SLC22A15: variants seen among roughly 807,000 people sequenced by gnomAD.
The protein encoded by SLC22A15 is solute carrier family 22 member 15, also known as flipt 1.
In SLC22A15, 45 loss-of-function variants were observed where a neutral mutation model predicts 62.7. That is an observed-to-expected ratio of 0.72 (90% CI 0.56 to 0.92). The LOEUF (loss-of-function observed/expected upper bound fraction) is 0.92. Ranked by LOEUF, SLC22A15 falls within the 40% of genes least tolerant of loss-of-function variation. The pLI, the probability that SLC22A15 is intolerant of heterozygous loss-of-function variation, is 0.00. For synonymous variants in SLC22A15, 264 were observed against 267.0 expected, an observed-to-expected ratio of 0.99 and a Z score of 0.11; for missense variants, 622 against 665.6, an observed-to-expected ratio of 0.93 and a Z score of 0.72.
At chr1:115,997,050 C>G (rs1294544332) in intron 2 of SLC22A15, among the ~76,000 whole-genome samples, 41 of 151,940 alleles carry the variant, frequency 2.7e-4, no homozygotes, top group Admixed American at 2.6e-3. Flanking sequence ...TGATTCTGAT[C>G]TTAGAAGGGA....
At chr1:116,018,084 C>T (rs982931033) in intron 2 of SLC22A15, among the ~76,000 whole-genome samples, 1 of 152,154 alleles carries the variant, frequency 6.6e-6, no homozygotes, top group Non-Finnish European at 1.5e-5. Context: ...ATTCAAATTG[C>T]TGTGTTACCA....
intron 1 of SLC22A15, among the ~76,000 whole-genome samples, chr1:115,984,996 C>G (rs2486079): frequency 0.38 from 57,269 of 151,890 alleles, 11,414 homozygotes; most frequent in East Asian, 0.58. Flanking sequence ...AGTAGAAAAG[C>G]TACAGTAAGT....
chr1:116,062,804 T>C lies in SLC22A15; in HGVS notation c.1214T>C (p.Leu405Ser). 6.2e-7 allele frequency: 1 copy of C among 1,613,916 alleles called. No individual in the cohort carries two copies. Among genetic ancestry groups the C allele is most frequent in the Non-Finnish European group, 8.5e-7 (1 of 1,179,832 alleles). Residue 405 changes from leucine to serine, a missense_variant, in exon 9 of 12, where the codon TTG becomes TCG. Physicochemically the swap from Leu to Ser is moderately radical, Grantham distance 145. Transcript: ENST00000369503. ...GTGGTGAACAGCCATTCCTTGTCCT[T>C]GCTGGGGAAGCTGACCATCAGTGCT... Reference protein sequence around the residue: ...FAVVNSHSLSLLGKLTISAAF... With the variant: ...FAVVNSHSLSSLGKLTISAAF...
intron 4 of SLC22A15, among the ~76,000 whole-genome samples, chr1:116,024,080 G>T (rs1656973212): frequency 6.6e-6 from 1 of 152,156 alleles, no homozygotes; most frequent in Admixed American, 6.5e-5. Context: ...AGGAGTGATA[G>T]GGTCTCATAT....
intron 8 of SLC22A15, among the ~76,000 whole-genome samples, chr1:116,051,950 T>C (rs1404792479): frequency 6.6e-6 from 1 of 152,244 alleles, no homozygotes; most frequent in Non-Finnish European, 1.5e-5. Context: ...GGAACAGCTC[T>C]GGTCTACAGC....
At chr1:116,052,836 A>G (rs1402902085) in intron 8 of SLC22A15, among the ~76,000 whole-genome samples, 2 of 152,228 alleles carry the variant, frequency 1.3e-5, no homozygotes, top group Non-Finnish European at 2.9e-5. Flanking sequence ...ACAGACCTGC[A>G]GCTGAGGGTC....
At chr1:116,052,068 A>G (rs1289717235) in intron 8 of SLC22A15, among the ~76,000 whole-genome samples, 4 of 152,338 alleles carry the variant, frequency 2.6e-5, no homozygotes, top group East Asian at 1.9e-4. Flanking sequence ...CAGTGGGTGC[A>G]GTGCACCATG....
chr1:116,040,873 T>A (rs921399370), intron 8 of SLC22A15, among the ~76,000 whole-genome samples: 2 of 152,348 alleles, frequency 1.3e-5, no homozygotes, highest in African/African-American at 4.8e-5. Flanking sequence ...CCCAAAGTGC[T>A]GGGATTATAG....
At chr1:116,064,709 T>G (rs1658457819) in intron 10 of SLC22A15, among the ~76,000 whole-genome samples, 1 of 152,190 alleles carries the variant, frequency 6.6e-6, no homozygotes, top group Non-Finnish European at 1.5e-5. Context: ...GTCTGATTTT[T>G]TGTTCATCTG....
At chr1:116,044,473 C>T (rs530930100) in intron 8 of SLC22A15, among the ~76,000 whole-genome samples, 1 of 152,280 alleles carries the variant, frequency 6.6e-6, no homozygotes, top group South Asian at 2.1e-4. Context: ...ATTCTAAGGT[C>T]AGGAGAAAGG....
At chr1:115,998,046 T>C (rs1343922144) in intron 2 of SLC22A15, among the ~76,000 whole-genome samples, 1 of 152,220 alleles carries the variant, frequency 6.6e-6, no homozygotes, top group Non-Finnish European at 1.5e-5. Flanking sequence ...GAAATGATTG[T>C]ATGGTTTTTG....
Position 116,023,700 on chromosome 1 carries a change from A to G in SLC22A15, c.598+2815A>G, listed in dbSNP as rs181432776. Reference sequence around the variant, plus strand: ...ATAATTTCTGAAAATTAGAAGTACAATGAAGAAAATGAAGCAGGGTAATGG... The same window carrying G: ...ATAATTTCTGAAAATTAGAAGTACAGTGAAGAAAATGAAGCAGGGTAATGG... On this transcript the variant is annotated intron_variant, in intron 4 of 11. Coordinates refer to ENST00000369503, the MANE Select transcript of SLC22A15 (RefSeq NM_018420.3). Among the ~76,000 whole-genome samples the G allele has an allele frequency of 2.0e-4, 31 of 152,340 alleles. 1 individual carries two copies. The highest frequency in any genetic ancestry group is 5.9e-4 in the Admixed American group (9 of 15,304).
intron 2 of SLC22A15, among the ~76,000 whole-genome samples, chr1:115,992,749 G>A (rs1359783263): frequency 5.3e-5 from 8 of 151,344 alleles, no homozygotes; most frequent in Non-Finnish European, 1.2e-4. Flanking sequence ...AGCCTCCCGA[G>A]TAGCTGAGAT....
rs570140266 is a variant in SLC22A15 at position 116,037,384 on chromosome 1, G to A, written c.1167G>A (p.Lys389=). The A allele has an allele frequency of 6.2e-7, 1 of 1,611,254 alleles. No individual in the cohort carries two copies. The highest frequency in any genetic ancestry group is 1.3e-5 in the African/African-American group (1 of 74,824). The change falls in exon 8 of 12, where the codon AAG becomes AAA. Residue 389 remains lysine, a synonymous_variant. Transcript: ENST00000369503. Reference sequence around the variant, plus strand: ...TTATTGTAATGTTTCTTCCAGAAAAGAAAGGTATGCCTTTCAAATTTCTAC... The same window carrying A: ...TTATTGTAATGTTTCTTCCAGAAAAAAAAGGTATGCCTTTCAAATTTCTAC... The part of the protein sequence containing the change: ...ACLIVMFLPE[K]KDTGVFAVVN...
intron 7 of SLC22A15, among the ~76,000 whole-genome samples, chr1:116,035,530 G>A (rs1657603119): frequency 6.6e-6 from 1 of 152,088 alleles, no homozygotes. Flanking sequence ...TCATGTTTAC[G>A]AGTTTTTATA....
At chr1:115,989,144 T>G (rs956632362) in intron 1 of SLC22A15, among the ~76,000 whole-genome samples, 3 of 151,930 alleles carry the variant, frequency 2.0e-5, no homozygotes, top group African/African-American at 7.3e-5. Context: ...TGTGGGTGTG[T>G]GTGCATGTGC....
chr1:116,025,097 G>C (rs1209184251), intron 4 of SLC22A15, among the ~76,000 whole-genome samples: 1 of 152,064 alleles, frequency 6.6e-6, no homozygotes, highest in Non-Finnish European at 1.5e-5. Flanking sequence ...TGTTATTTCT[G>C]TTTCACCAAT....
At chr1:116,009,554 G>A (rs78219632) in intron 2 of SLC22A15, among the ~76,000 whole-genome samples, 2,079 of 152,222 alleles carry the variant, frequency 0.014, 20 homozygotes, top group Middle Eastern at 0.037. Context: ...CACTTTAGCC[G>A]GTGTTCTTGA....
At chr1:116,001,596 G>C (rs1381913050) in intron 2 of SLC22A15, among the ~76,000 whole-genome samples, 1 of 151,598 alleles carries the variant, frequency 6.6e-6, no homozygotes, top group Non-Finnish European at 1.5e-5. Context: ...TCTTTCTTCT[G>C]CTTGATCAGT....
Sources: allele counts gnomAD v4.1 joint callset (sites outside exome capture counted in the v4.1 genomes callset), GRCh38; gene constraint gnomAD v4.1.1; transcripts MANE v1.5; gene names NCBI Gene and HGNC (gene_info 2026-07-23, HGNC 2026-07-21).